Variants in ANKRD54 observed in about 807,000 individuals in gnomAD.
ANKRD54 encodes the protein ankyrin repeat domain 54, also known as ankyrin repeat domain-containing protein 54.
Under a neutral mutation model 36.2 loss-of-function variants are expected in ANKRD54, and 26 were observed. The observed-to-expected ratio is 0.72, with a 90% CI of 0.53 to 1.00. The LOEUF is 1.00. ANKRD54 is among the 50% of genes least tolerant of loss of function. ANKRD54 has a pLI of 0.00. For missense variants in ANKRD54, 384 were observed against 424.3 expected (o/e 0.91, Z 0.83); for synonymous variants, 209 against 188.4 (o/e 1.11, Z -0.89).
chr22:37,833,193 G>T lies in ANKRD54; in HGVS notation c.561C>A (p.Asn187Lys), dbSNP rs1362121154. 1 of 1,613,640 alleles carries T rather than the reference G, an allele frequency of 6.2e-7. No individual in the cohort carries two copies. Among genetic ancestry groups the T allele is most frequent in the Non-Finnish European group, 8.5e-7 (1 of 1,180,028 alleles). The change falls in exon 5 of 8, where the codon AAC becomes AAA. Residue 187 changes from asparagine to lysine, a missense_variant. Physicochemically the swap from Asn to Lys is moderately conservative, Grantham distance 94. Around this residue, in one of 3 missense-constraint regions of ANKRD54, gnomAD observed 179 missense variants for 224.0 expected, o/e 0.80. Transcript: ENST00000215941. The stretch of plus-strand genomic sequence containing the variant: ...GCAGTGTGGTGATGACAGGAACGTG[G>T]TTGGTGCAGGCCGCTGAGGAAGAAC... ...NTPLHLAACT[N>K]HVPVITTLLR... is the part of the protein sequence containing the mutation.
Position 37,838,602 on chromosome 22 carries a change from A to C in ANKRD54, c.377-4T>G. On this transcript the variant is annotated splice_polypyrimidine_tract_variant and splice_region_variant and intron_variant, in intron 2 of 7. Coordinates refer to ENST00000215941, the MANE Select transcript of ANKRD54 (RefSeq NM_138797.4). ...CCATCTTCCAGCAGCTGCTGCACTG[A>C]CACCACCAAGACAGAGGGAGGAAGG... 6.2e-7 allele frequency: 1 copy of C among 1,607,436 alleles called. No homozygotes were observed. Among genetic ancestry groups the C allele is most frequent in the Non-Finnish European group, 8.5e-7 (1 of 1,178,146 alleles).
chr22:37,831,702 GC>G lies in ANKRD54; in HGVS notation c.*240del. ...CAGCTGCAGAGGCTGGTCTGGTGCT[GC>G]GAGAACTGGAAGAAGCTGGGAGCTG... On this transcript the variant is annotated 3_prime_UTR_variant, in exon 8 of 8. Coordinates refer to ENST00000215941, the MANE Select transcript of ANKRD54 (RefSeq NM_138797.4). 1 of 562,224 alleles carries G rather than the reference GC, an allele frequency of 1.8e-6. No homozygotes were observed. Among genetic ancestry groups the G allele is most frequent in the Non-Finnish European group, 3.2e-6 (1 of 313,172 alleles). 34.8% of individuals were successfully genotyped at this position (562,224 alleles called of 1,614,324 possible).
chr22:37,837,995 C>T (rs1923756979), intron 3 of ANKRD54, among the ~76,000 whole-genome samples: 1 of 152,068 alleles, frequency 6.6e-6, no homozygotes, highest in African/African-American at 2.4e-5. Flanking sequence ...ATTAGCCAGG[C>T]ATGGTGGCGG....
intron 3 of ANKRD54, among the ~76,000 whole-genome samples, chr22:37,836,795 G>A (rs1035131819): frequency 5.9e-5 from 9 of 151,926 alleles, no homozygotes; most frequent in Non-Finnish European, 1.3e-4. Context: ...TTGGGAGGCC[G>A]AGACAGGTGG....
chr22:37,838,407 C>T, intron 3 of ANKRD54, 93 bp downstream of exon 3: 1 of 1,274,154 alleles, frequency 7.8e-7, no homozygotes, highest in Non-Finnish European at 1.1e-6. Context: ...AACTGGGCAT[C>T]CCAAGGCTGT....
chr22:37,847,599 T>C (rs913931004), upstream of ANKRD54: 4 of 473,116 alleles, frequency 8.5e-6, no homozygotes, highest in East Asian at 1.9e-4. Flanking sequence ...TTCACTGTCA[T>C]TATTTTCTCA....
In ANKRD54 at chr22:37,844,092, G is replaced by A. The variant is rs1381957164; in HGVS notation, c.147C>T (p.Gly49=). Residue 49 remains glycine, a synonymous_variant, in exon 1 of 8, where the codon GGC becomes GGT. Coordinates refer to ENST00000215941, the MANE Select transcript of ANKRD54 (RefSeq NM_138797.4). ...FADFGSALGG[G]GAGLSGRASG... is the part of the protein sequence containing the mutation. Reference sequence around the variant, plus strand: ...ACGCCCGGCCCGAGAGGCCCGCGCCGCCGCCGCCCAGCGCAGACCCGAAGT... The same window carrying A: ...ACGCCCGGCCCGAGAGGCCCGCGCCACCGCCGCCCAGCGCAGACCCGAAGT... The A allele has an allele frequency of 1.4e-6, 2 of 1,450,172 alleles. No individual in the cohort carries two copies. Among genetic ancestry groups the A allele is most frequent in the South Asian group, 1.3e-5 (1 of 74,392 alleles). 89.8% of individuals were successfully genotyped at this position (1,450,172 alleles called of 1,614,324 possible). A position where few individuals can be genotyped will look rare whatever the true frequency, so the allele number is the denominator to read the frequency against.
chr22:37,840,287 G>T, intron 1 of ANKRD54, 53 bp from the exon 2 acceptor site: 1 of 1,589,512 alleles, frequency 6.3e-7, no homozygotes, highest in Non-Finnish European at 8.6e-7. Flanking sequence ...GGCTGGGTGC[G>T]GTGGCTCATG....
chr22:37,838,469 C>A, intron 3 of ANKRD54, 31 bp downstream of exon 3: 2 of 1,587,664 alleles, frequency 1.3e-6, no homozygotes, highest in Non-Finnish European at 1.7e-6. Flanking sequence ...ACTTGCCTAG[C>A]CCTACTCCCT....
intron 3 of ANKRD54, among the ~76,000 whole-genome samples, chr22:37,837,833 C>T (rs542348954): frequency 5.7e-4 from 86 of 151,786 alleles, no homozygotes; most frequent in Non-Finnish European, 9.3e-4. Context: ...CTAAAAAATA[C>T]AAAAAAATTA....
At chr22:37,840,460 G>A (rs1325227933) in intron 1 of ANKRD54, among the ~76,000 whole-genome samples, 1 of 152,146 alleles carries the variant, frequency 6.6e-6, no homozygotes, top group Non-Finnish European at 1.5e-5. Context: ...TCGGGAGGCT[G>A]AGGCGGGTGA....
At position 37,839,930 on chromosome 22, in the gene ANKRD54, T is replaced by C. The variant is rs370815298; in HGVS notation, c.376+257A>G. ...CAGGGATACAAAAGTATACATGGTC[T>C]CCACCATCAAGGAGTCCACAGGGTG... is the stretch of plus-strand genomic sequence containing the variant. On this transcript the variant is annotated intron_variant, in intron 2 of 7. Transcript: ENST00000215941. Among the ~76,000 whole-genome samples, 79 of 152,338 alleles carry C rather than the reference T, an allele frequency of 5.2e-4. 3 individuals carry two copies. The South Asian group carries it at 0.011, about 21-fold the overall frequency.
At chr22:37,843,739 T>C in intron 1 of ANKRD54, 172 bp downstream of exon 1, 1 of 355,444 alleles carries the variant, frequency 2.8e-6, no homozygotes. Context: ...AAAACCATCA[T>C]CACCATCGTT....
rs138468092 is a variant in ANKRD54 at position 37,837,023 on chromosome 22, G to A, written c.475+1477C>T. Among the ~76,000 whole-genome samples the A allele has an allele frequency of 6.7e-3, 941 of 140,440 alleles. 11 individuals carry two copies. The highest frequency in any genetic ancestry group is 0.024 in the African/African-American group (879 of 36,030). 92.1% of individuals were successfully genotyped at this position (140,440 alleles called of 152,430 possible). A position where few individuals can be genotyped will look rare whatever the true frequency, so the allele number is the denominator to read the frequency against. Reference sequence around the variant, plus strand: ...CAGCCTGGGCGACAGGCAAGACTCCGTCTCAAAAAAAAAAAAAAAAGGCCA... The same window carrying A: ...CAGCCTGGGCGACAGGCAAGACTCCATCTCAAAAAAAAAAAAAAAAGGCCA... On this transcript the variant is annotated intron_variant, in intron 3 of 7. Transcript: ENST00000215941.
upstream of ANKRD54, chr22:37,844,336 G>C: frequency 7.1e-7 from 1 of 1,399,998 alleles, no homozygotes. Context: ...CAGCGAGCTG[G>C]CGGGCGGGCA....
At position 37,831,133 on chromosome 22, in the gene ANKRD54, C is replaced by G. The variant is rs1200668156; in HGVS notation, c.*810G>C. On this transcript the variant is annotated 3_prime_UTR_variant, in exon 8 of 8. Transcript: ENST00000215941. ...GGTGAGGACATCAAGCCCTCCTGAACAAGCTGGGATAATCTTCCTGGCGAA... is the reference window on the plus strand; with the variant it reads ...GGTGAGGACATCAAGCCCTCCTGAAGAAGCTGGGATAATCTTCCTGGCGAA... 6.6e-6 allele frequency: 1 copy of G among 152,220 alleles called. No homozygotes were observed. Among genetic ancestry groups the G allele is most frequent in the African/African-American group, 2.4e-5 (1 of 41,442 alleles). The allele number at this position is 152,220 out of a possible 1,614,324, so 9.4% of individuals were successfully genotyped here.
chr22:37,843,316 G>A (rs997734105), intron 1 of ANKRD54, among the ~76,000 whole-genome samples: 3 of 152,114 alleles, frequency 2.0e-5, no homozygotes, highest in Admixed American at 2.0e-4. Flanking sequence ...CCAGCTACTC[G>A]GGAGGCTGAG....
rs1192293348 is a variant in ANKRD54 at position 37,844,208 on chromosome 22, C to T, written c.31G>A (p.Glu11Lys). 2.0e-6 allele frequency: 3 copies of T among 1,522,942 alleles called. No individual in the cohort carries two copies. Among genetic ancestry groups the T allele is most frequent in the Admixed American group, 2.0e-5 (1 of 49,892 alleles). 94.3% of individuals were successfully genotyped at this position (1,522,942 alleles called of 1,614,324 possible). The change falls in exon 1 of 8, where the codon GAG becomes AAG. Residue 11 changes from glutamate to lysine, a missense_variant. Transcript: ENST00000215941. MAAAAGDADDEPRSGHSSSEG... is the reference protein window; with the variant it reads MAAAAGDADDKPRSGHSSSEG... ...GAGCTCGAGTGGCCTGAGCGCGGCT[C>T]GTCGTCCGCGTCCCCGGCGGCGGCT... is the stretch of plus-strand genomic sequence containing the variant.
intron 4 of ANKRD54, 45 bp downstream of exon 4, chr22:37,833,635 CCTTT>C (rs1923171699): frequency 1.2e-6 from 2 of 1,602,108 alleles, no homozygotes; most frequent in Non-Finnish European, 1.7e-6. Context: ...ATCTAAAGAG[CCTTT>C]CTTTGCTGCA....
Sources: gnomAD v4.1 joint callset for allele counts (sites outside exome capture counted in the v4.1 genomes callset) on GRCh38, gnomAD v4.1.1 for gene constraint, gnomAD v4.1.1 regional missense constraint, MANE v1.5 for transcripts, NCBI Gene and HGNC (gene_info 2026-07-23, HGNC 2026-07-21) for gene names.